The following CCNE2 variants were observed in gnomAD, a reference collection of about 807,000 sequenced individuals.
CCNE2 encodes the protein cyclin E2, also known as G1/S-specific cyclin-E2.
Under a neutral mutation model 56.8 loss-of-function variants are expected in CCNE2, and 18 were observed. The ratio of observed to expected loss-of-function variants is 0.32; its 90% CI spans 0.22 to 0.47. The LOEUF (loss-of-function observed/expected upper bound fraction) is 0.47. CCNE2 is among the 20% of genes least tolerant of loss of function. CCNE2 has a pLI of 1.00. For synonymous variants in CCNE2, 139 were observed against 149.2 expected (o/e 0.93, Z 0.50); for missense variants, 371 against 467.1 (o/e 0.79, Z 1.90).
chr8:94,886,469 G>A (rs1345895599), intron 7 of CCNE2, among the ~76,000 whole-genome samples: 1 of 152,122 alleles, frequency 6.6e-6, no homozygotes, highest in Non-Finnish European at 1.5e-5. Flanking sequence ...CACTTTGGGA[G>A]GTCGAGGTAG....
upstream of CCNE2, chr8:94,896,409 G>A (rs758650764): frequency 6.6e-6 from 1 of 152,018 alleles, no homozygotes; most frequent in Non-Finnish European, 1.5e-5. Flanking sequence ...TAAACTTAGG[G>A]GTCCCTTCGC....
upstream of CCNE2, among the ~76,000 whole-genome samples, chr8:94,896,230 C>T (rs923518694): frequency 1.5e-3 from 231 of 149,282 alleles, 1 homozygote; most frequent in Admixed American, 4.2e-3. Flanking sequence ...AGAAAGATCG[C>T]CACCACGTGC....
intron 7 of CCNE2, among the ~76,000 whole-genome samples, chr8:94,886,443 A>C (rs1817043047): frequency 6.6e-6 from 1 of 152,046 alleles, no homozygotes; most frequent in African/African-American, 2.4e-5. Context: ...GCAGCAGCTC[A>C]CACCTATAAG....
At chr8:94,894,460 C>T in intron 1 of CCNE2, 1 of 550,246 alleles carries the variant, frequency 1.8e-6, no homozygotes, top group Non-Finnish European at 3.2e-6. Flanking sequence ...ACAGCTGGAA[C>T]GCGAGTGTCC....
upstream of CCNE2, chr8:94,895,246 G>A (rs1456791914): frequency 5.1e-6 from 5 of 985,584 alleles, no homozygotes; most frequent in East Asian, 2.3e-4. Context: ...GGCCGGTCCC[G>A]CCCCGCACGC....
upstream of CCNE2, chr8:94,896,551 A>T (rs1817602762): frequency 6.6e-6 from 1 of 151,984 alleles, no homozygotes; most frequent in African/African-American, 2.4e-5. Context: ...GGGAACAAAG[A>T]TCCCCCGGGT....
At chr8:94,896,192 T>C (rs1449250869), upstream of CCNE2, among the ~76,000 whole-genome samples, 1 of 151,168 alleles carries the variant, frequency 6.6e-6, no homozygotes, top group African/African-American at 2.4e-5. Context: ...CTGAGCGCGG[T>C]GGTCCCCGGG....
intron 9 of CCNE2, chr8:94,883,993 G>T (rs1816933635): frequency 2.3e-6 from 1 of 439,364 alleles, no homozygotes. Context: ...GCTTATCAAA[G>T]ATTTACCATC....
chr8:94,890,367 T>G, intron 6 of CCNE2, 48 bp downstream of exon 6: 1 of 1,458,770 alleles, frequency 6.9e-7, no homozygotes, highest in East Asian at 2.6e-5. Context: ...CAGCTAAATA[T>G]GTTTCCATCA....
intron 1 of CCNE2, 114 bp downstream of exon 1, chr8:94,895,063 T>G: frequency 4.2e-6 from 2 of 478,850 alleles, no homozygotes; most frequent in Non-Finnish European, 5.5e-6. Context: ...CCCCCAGTCG[T>G]CTAGTTCTCA....
At chr8:94,894,879 G>C (rs750075802) in intron 1 of CCNE2, among the ~76,000 whole-genome samples, 1 of 152,190 alleles carries the variant, frequency 6.6e-6, no homozygotes, top group Non-Finnish European at 1.5e-5. Context: ...GGCTGGCTGG[G>C]AACTTTTCTC....
Position 94,892,804 on chromosome 8 carries a change from G to T in CCNE2, c.317+14C>A. 7.6e-7 allele frequency: 1 copy of T among 1,307,542 alleles called. No individual in the cohort carries two copies. The highest frequency in any genetic ancestry group is 1.0e-6 in the Non-Finnish European group (1 of 959,484). The allele number at this position is 1,307,542 out of a possible 1,614,324, so 81.0% of individuals were successfully genotyped here. A position where few individuals can be genotyped will look rare whatever the true frequency, so the allele number is the denominator to read the frequency against. Reference sequence around the variant, plus strand: ...TTTATATCTTTGAAATAAAATTACTGAAATTTTTCTTACCTTAAATCAGGC... The same window carrying T: ...TTTATATCTTTGAAATAAAATTACTTAAATTTTTCTTACCTTAAATCAGGC... On this transcript the variant is annotated intron_variant, in intron 5 of 11. Coordinates refer to ENST00000308108, the MANE Select transcript of CCNE2 (RefSeq NM_057749.3).
Position 94,890,503 on chromosome 8 carries a change from C to G in CCNE2, c.365G>C (p.Ser122Thr). The G allele has an allele frequency of 1.2e-6, 2 of 1,601,802 alleles. No individual in the cohort carries two copies. Among genetic ancestry groups the G allele is most frequent in the Non-Finnish European group, 1.7e-6 (2 of 1,173,406 alleles). Reference sequence around the variant, plus strand: ...AAAATGTTTGTCATGAACATATCTGCTCTCCTTTTTTAACATGTTTAGCCA... The same window carrying G: ...AAAATGTTTGTCATGAACATATCTGGTCTCCTTTTTTAACATGTTTAGCCA... Reference protein sequence around the residue: ...EVWLNMLKKESRYVHDKHFEV... With the variant: ...EVWLNMLKKETRYVHDKHFEV... The change falls in exon 6 of 12, where the codon AGC becomes ACC. Residue 122 changes from serine to threonine, a missense_variant. Transcript: ENST00000308108.
intron 4 of CCNE2, 29 bp downstream of exon 4, chr8:94,893,862 C>T: frequency 1.3e-6 from 2 of 1,598,598 alleles, no homozygotes; most frequent in Non-Finnish European, 1.7e-6. Context: ...ATTTTTCCCC[C>T]AAACCCACCC....
intron 4 of CCNE2, chr8:94,893,599 A>C: frequency 3.7e-5 from 13 of 346,812 alleles, no homozygotes; most frequent in East Asian, 1.1e-4. Flanking sequence ...CTGCGAGGGA[A>C]CAAAGAGCAG....
At chr8:94,893,338 A>G (rs1817316966) in intron 4 of CCNE2, among the ~76,000 whole-genome samples, 2 of 150,174 alleles carry the variant, frequency 1.3e-5, no homozygotes, top group Admixed American at 1.3e-4. Flanking sequence ...TTTTTCAAAT[A>G]AGCTCTTTTT....
intron 5 of CCNE2, chr8:94,891,502 T>C (rs1288242585): frequency 1.0e-5 from 3 of 286,178 alleles, no homozygotes; most frequent in African/African-American, 2.3e-5. Flanking sequence ...CCACTAAAAA[T>C]ACAAAAAATT....
rs1436194532 is a variant in CCNE2, at chr8:94,880,809, T to C, written c.*823A>G. The C allele has an allele frequency of 7.0e-5, 28 of 398,484 alleles. No individual in the cohort carries two copies. Among genetic ancestry groups the C allele is most frequent in the Non-Finnish European group, 2.2e-5 (5 of 225,800 alleles). 24.7% of individuals were successfully genotyped at this position (398,484 alleles called of 1,614,324 possible). Reference sequence around the variant, plus strand: ...GGATATCTTAGAGTAGTAAAGTGACTTCCTCATATAAATAGTTTGAAAGGG... The same window carrying C: ...GGATATCTTAGAGTAGTAAAGTGACCTCCTCATATAAATAGTTTGAAAGGG... On this transcript the variant is annotated 3_prime_UTR_variant, in exon 12 of 12. Transcript: ENST00000308108.
Position 94,885,529 on chromosome 8 carries a change from A to C in CCNE2, c.630T>G (p.Phe210Leu), listed in dbSNP as rs555383126. ...EEIYAPKLQE[F>L]AYVTDGACSE... ...TGCAAGCACCATCAGTGACGTAAGCAAACTCTTGGAGTTTAGGAGCATAGA... is the reference window on the plus strand; with the variant it reads ...TGCAAGCACCATCAGTGACGTAAGCCAACTCTTGGAGTTTAGGAGCATAGA... The change falls in exon 8 of 12, where the codon TTT (phenylalanine) becomes TTG (leucine). Residue 210 changes from phenylalanine to leucine, a missense_variant. By Grantham distance (22) the Phe-to-Leu change is conservative. Coordinates refer to ENST00000308108, the MANE Select transcript of CCNE2 (RefSeq NM_057749.3). 1.1e-5 allele frequency: 17 copies of C among 1,607,984 alleles called. No individual in the cohort carries two copies. In the Admixed American group the frequency reaches 1.7e-4, roughly 16 times the overall value.
Sources: gnomAD v4.1 joint callset for allele counts (sites outside exome capture counted in the v4.1 genomes callset) on GRCh38, gnomAD v4.1.1 for gene constraint, MANE v1.5 for transcripts, NCBI Gene and HGNC (gene_info 2026-07-23, HGNC 2026-07-21) for gene names.